The following PELI1 variants were observed in gnomAD, a reference collection of about 807,000 sequenced individuals.
PELI1 encodes pellino E3 ubiquitin protein ligase 1.
In PELI1, 15 loss-of-function variants were observed where a neutral mutation model predicts 41.3. That is an observed-to-expected ratio of 0.36 (90% CI 0.24 to 0.56). The LOEUF (loss-of-function observed/expected upper bound fraction) is 0.56, where lower values mean the gene tolerates loss of function less well. Among genes scored for constraint, PELI1 ranks in the 20% least tolerant of loss-of-function variants. PELI1 has a pLI of 0.82. For missense variants in PELI1, 403 were observed against 525.5 expected, an observed-to-expected ratio of 0.77 and a Z score of 2.28; for synonymous variants, 178 against 180.1, an observed-to-expected ratio of 0.99 and a Z score of 0.09.
intron 1 of PELI1, among the ~76,000 whole-genome samples, chr2:64,117,894 C>T (rs1681054583): frequency 6.6e-6 from 1 of 151,984 alleles, no homozygotes; most frequent in Non-Finnish European, 1.5e-5. Flanking sequence ...ACTGCAACCT[C>T]TGCCTCCCAG....
chr2:64,102,999 G>A (rs1175486592), intron 3 of PELI1, among the ~76,000 whole-genome samples: 2 of 151,796 alleles, frequency 1.3e-5, no homozygotes, highest in African/African-American at 2.4e-5. Flanking sequence ...ATGCCACCAC[G>A]CTTGGCTAAT....
Position 64,144,391 on chromosome 2 carries a change from C to T in PELI1, c.-380G>A, listed in dbSNP as rs1039437495. 4 of 152,306 alleles carry T rather than the reference C, an allele frequency of 2.6e-5. No individual in the cohort carries two copies. The highest frequency in any genetic ancestry group is 9.7e-5 in the African/African-American group (4 of 41,390). The allele number at this position is 152,306 out of a possible 1,614,324, so 9.4% of individuals were successfully genotyped here. ...GGCGGCGGCGGCGCCCCCCGACGGT[C>T]CCTCCGCCTCACACCGCCTCTGGGT... On this transcript the variant is annotated 5_prime_UTR_variant, in exon 1 of 7. Coordinates refer to ENST00000358912, the MANE Select transcript of PELI1 (RefSeq NM_020651.4).
intron 4 of PELI1, among the ~76,000 whole-genome samples, chr2:64,096,838 T>C (rs910319291): frequency 6.6e-6 from 1 of 152,158 alleles, no homozygotes; most frequent in Non-Finnish European, 1.5e-5. Flanking sequence ...TACAATAATA[T>C]ACGAAACCCT....
At chr2:64,133,138 T>C (rs1276135117) in intron 1 of PELI1, among the ~76,000 whole-genome samples, 2 of 152,180 alleles carry the variant, frequency 1.3e-5, no homozygotes, top group Non-Finnish European at 2.9e-5. Context: ...GAACTTAAAA[T>C]GAGTTTCCAT....
At chr2:64,137,483 ATG>A (rs150203723) in intron 1 of PELI1, among the ~76,000 whole-genome samples, 3 of 151,754 alleles carry the variant, frequency 2.0e-5, no homozygotes, top group Admixed American at 6.6e-5. Flanking sequence ...ATGATCTTGT[ATG>A]TGTGTGTGTG....
chr2:64,101,376 CAAAGG>C (rs919081463), intron 3 of PELI1, among the ~76,000 whole-genome samples: 3 of 150,870 alleles, frequency 2.0e-5, no homozygotes, highest in Admixed American at 6.6e-5. Flanking sequence ...TAAACATTAC[CAAAGG>C]AAAGGGATGT....
At chr2:64,140,622 T>C (rs981700965) in intron 1 of PELI1, among the ~76,000 whole-genome samples, 2 of 151,568 alleles carry the variant, frequency 1.3e-5, no homozygotes, top group African/African-American at 2.4e-5. Context: ...AAGAAAAAAA[T>C]TAGAAATTCC....
rs373791716 is a variant in PELI1 at position 64,094,825 on chromosome 2, A to G, written c.1134T>C (p.Tyr378=). 1 of 1,614,208 alleles carries G rather than the reference A, an allele frequency of 6.2e-7. No individual in the cohort carries two copies. The change falls in exon 7 of 7, where the codon TAT becomes TAC. Residue 378 remains tyrosine (Y), a synonymous_variant. Coordinates refer to ENST00000358912, the MANE Select transcript of PELI1 (RefSeq NM_020651.4). ...GHVCSEKTTA[Y]WSQIPLPHGT... ...CATGAGGAAGTGGGATCTGGGACCAATAGGCAGTTGTCTTTTCTGAACACA... is the reference window on the plus strand; with the variant it reads ...CATGAGGAAGTGGGATCTGGGACCAGTAGGCAGTTGTCTTTTCTGAACACA...
chr2:64,126,471 A>G (rs1401823258), intron 1 of PELI1, among the ~76,000 whole-genome samples: 1 of 152,116 alleles, frequency 6.6e-6, no homozygotes, highest in Non-Finnish European at 1.5e-5. Flanking sequence ...GGGTCTCCCT[A>G]CTTTTAATTT....
intron 3 of PELI1, among the ~76,000 whole-genome samples, chr2:64,103,566 T>C (rs1680517934): frequency 6.6e-6 from 1 of 152,148 alleles, no homozygotes; most frequent in African/African-American, 2.4e-5. Flanking sequence ...GCTTAGTATA[T>C]TCCTTCTCGC....
At chr2:64,122,306 T>C (rs1195037969) in intron 1 of PELI1, among the ~76,000 whole-genome samples, 1 of 133,400 alleles carries the variant, frequency 7.5e-6, no homozygotes, top group Non-Finnish European at 1.5e-5. Context: ...TCAGTTGAGC[T>C]CAGGGAAAAT....
chr2:64,126,364 A>C (rs1376229154), intron 1 of PELI1, among the ~76,000 whole-genome samples: 1 of 152,128 alleles, frequency 6.6e-6, no homozygotes, highest in Non-Finnish European at 1.5e-5. Context: ...GGGTTTCATC[A>C]TGTTGGCCAG....
At chr2:64,133,317 C>G (rs1243337399) in intron 1 of PELI1, among the ~76,000 whole-genome samples, 1 of 152,094 alleles carries the variant, frequency 6.6e-6, no homozygotes, top group Non-Finnish European at 1.5e-5. Flanking sequence ...ACCCTGAGCA[C>G]TCAATGTGAA....
intron 1 of PELI1, among the ~76,000 whole-genome samples, chr2:64,116,134 C>A (rs963351920): frequency 6.6e-6 from 1 of 152,168 alleles, no homozygotes; most frequent in Non-Finnish European, 1.5e-5. Flanking sequence ...TAGGAACAGA[C>A]AGGGTCACGT....
intron 1 of PELI1, among the ~76,000 whole-genome samples, chr2:64,124,715 T>C (rs1681331270): frequency 6.6e-6 from 1 of 152,234 alleles, no homozygotes; most frequent in Non-Finnish European, 1.5e-5. Flanking sequence ...TAATCTTGCA[T>C]CATGTTCAAT....
chr2:64,095,398 C>A, intron 6 of PELI1, 130 bp from the exon 7 acceptor site: 1 of 613,486 alleles, frequency 1.6e-6, no homozygotes, highest in Admixed American at 3.0e-5. Flanking sequence ...ATTCAAGAAA[C>A]TGACAGTAGT....
intron 1 of PELI1, among the ~76,000 whole-genome samples, chr2:64,132,814 A>G (rs1255887536): frequency 6.6e-6 from 1 of 152,232 alleles, no homozygotes; most frequent in Non-Finnish European, 1.5e-5. Flanking sequence ...AGTGTGGTCC[A>G]TGGCCTATAG....
chr2:64,135,869 C>T (rs927253265), intron 1 of PELI1, among the ~76,000 whole-genome samples: 3 of 152,298 alleles, frequency 2.0e-5, no homozygotes, highest in Non-Finnish European at 2.9e-5. Context: ...ATTATTACTT[C>T]TATTCTCTAC....
chr2:64,124,737 C>T (rs1681331921), intron 1 of PELI1, among the ~76,000 whole-genome samples: 1 of 152,178 alleles, frequency 6.6e-6, no homozygotes, highest in African/African-American at 2.4e-5. Flanking sequence ...AGTGTTCTCT[C>T]TGACATCAAC....
Sources: gnomAD v4.1 joint callset for allele counts (sites outside exome capture counted in the v4.1 genomes callset) on GRCh38, gnomAD v4.1.1 for gene constraint, MANE v1.5 for transcripts, NCBI Gene and HGNC (gene_info 2026-07-23, HGNC 2026-07-21) for gene names.